Variants in FGF14 observed in about 807,000 individuals in gnomAD.
The protein encoded by FGF14 is fibroblast growth factor homologous factor 4.
A neutral mutation model predicts 25.5 loss-of-function variants in FGF14; 5 were observed. That is an observed-to-expected ratio of 0.20 (90% CI 0.10 to 0.41). The LOEUF is 0.41. FGF14 is among the 10% of genes least tolerant of loss of function. The pLI is 1.00. For synonymous variants in FGF14, 138 were observed against 118.3 expected (o/e 1.17, Z -1.08); for missense variants, 222 against 320.1 (o/e 0.69, Z 2.34).
intron 1 of FGF14, among the ~76,000 whole-genome samples, chr13:102,221,645 C>CAG (rs1491485604): frequency 6.7e-6 from 1 of 149,590 alleles, no homozygotes; most frequent in Admixed American, 6.6e-5. Context: ...CACACACACA[C>CAG]AGATTTTAAG....
chr13:102,066,317 T>C (rs1400146743), intron 1 of FGF14, among the ~76,000 whole-genome samples: 1 of 152,208 alleles, frequency 6.6e-6, no homozygotes, highest in African/African-American at 2.4e-5. Context: ...CTGTAGCATA[T>C]GATTAGAGAA....
intron 1 of FGF14, among the ~76,000 whole-genome samples, chr13:102,379,525 T>C (rs1457827100): frequency 6.6e-6 from 1 of 151,760 alleles, no homozygotes; most frequent in Non-Finnish European, 1.5e-5. Context: ...TATATATATA[T>C]ATACATACAC....
At chr13:102,334,259 A>G (rs2056723270) in intron 1 of FGF14, among the ~76,000 whole-genome samples, 1 of 152,136 alleles carries the variant, frequency 6.6e-6, no homozygotes, top group Admixed American at 6.5e-5. Flanking sequence ...GTTGATTTGA[A>G]CATCTGTGGT....
rs1666806335 is a variant in FGF14, at chr13:101,723,111, T to C, written c.608-144A>G. 3 of 947,038 alleles carry C rather than the reference T, an allele frequency of 3.2e-6. 1 individual carries two copies. In the Admixed American group the frequency reaches 5.6e-5, roughly 18 times the overall value. The allele number at this position is 947,038 out of a possible 1,614,324, so 58.7% of individuals were successfully genotyped here. A position where few individuals can be genotyped will look rare whatever the true frequency, so the allele number is the denominator to read the frequency against. On this transcript the variant is annotated intron_variant, in intron 4 of 4. Coordinates refer to ENST00000376143, the MANE Select transcript of FGF14 (RefSeq NM_004115.4). ...AGCAATTCCATTGAGACAGAATTCC[T>C]GTTGTAAAGCAATCATTTCCAGCCC... is the stretch of plus-strand genomic sequence containing the variant.
At chr13:102,323,957 ATGTG>A (rs3066051) in intron 1 of FGF14, among the ~76,000 whole-genome samples, 9,520 of 136,352 alleles carry the variant, frequency 0.07, 332 homozygotes, top group African/African-American at 0.1. Flanking sequence ...AACGTGCAGT[ATGTG>A]TGTGTGTGTG....
chr13:102,154,923 T>G (rs1177784152), intron 1 of FGF14, among the ~76,000 whole-genome samples: 1 of 152,030 alleles, frequency 6.6e-6, no homozygotes, highest in African/African-American at 2.4e-5. Flanking sequence ...AGAAGGCCAT[T>G]ACATAATGGT....
intron 1 of FGF14, among the ~76,000 whole-genome samples, chr13:102,170,194 G>A (rs1274401581): frequency 6.6e-6 from 1 of 151,780 alleles, no homozygotes; most frequent in Non-Finnish European, 1.5e-5. Flanking sequence ...CTCCTGGTAT[G>A]TTAAAAGAGG....
chr13:101,749,253 A>T (rs1017023806), intron 3 of FGF14, among the ~76,000 whole-genome samples: 4 of 152,088 alleles, frequency 2.6e-5, no homozygotes, highest in Non-Finnish European at 5.9e-5. Flanking sequence ...TATACCGAAC[A>T]GTATTCAAGT....
At chr13:102,181,239 C>A (rs1020358971) in intron 1 of FGF14, among the ~76,000 whole-genome samples, 4 of 152,078 alleles carry the variant, frequency 2.6e-5, no homozygotes, top group African/African-American at 9.7e-5. Context: ...GGCAGAATAA[C>A]GATCTCCGAA....
chr13:102,360,190 G>A (rs1328850564), intron 1 of FGF14, among the ~76,000 whole-genome samples: 2 of 152,160 alleles, frequency 1.3e-5, no homozygotes, highest in Admixed American at 6.6e-5. Context: ...GATATGCTAT[G>A]TGCAAAATCC....
chr13:101,829,604 T>A (rs768891435), intron 3 of FGF14, among the ~76,000 whole-genome samples: 7 of 151,806 alleles, frequency 4.6e-5, no homozygotes, highest in Non-Finnish European at 7.4e-5. Flanking sequence ...TCCAGCATCG[T>A]CATCATAAAA....
At chr13:102,058,863 C>T (rs1820236374) in intron 1 of FGF14, among the ~76,000 whole-genome samples, 1 of 151,572 alleles carries the variant, frequency 6.6e-6, no homozygotes, top group South Asian at 2.1e-4. Flanking sequence ...TGCCATACCT[C>T]TTAACTGCTT....
rs2034822807 is a variant in FGF14, at chr13:101,718,935, T to TAAGA, written c.*3892_*3895dup. Reference sequence around the variant, plus strand: ...GCTATGACTACTATTTCACTCAAAGTAAGACCATGTACATCCTGGATTTTG... The same window carrying TAAGA: ...GCTATGACTACTATTTCACTCAAAGTAAGAAAGACCATGTACATCCTGGATTTTG... On this transcript the variant is annotated 3_prime_UTR_variant, in exon 5 of 5. Coordinates refer to ENST00000376143, the MANE Select transcript of FGF14 (RefSeq NM_004115.4). The TAAGA allele has an allele frequency of 6.6e-6, 1 of 151,936 alleles. No homozygotes were observed. The highest frequency in any genetic ancestry group is 1.5e-5 in the Non-Finnish European group (1 of 68,004). The allele number at this position is 151,936 out of a possible 1,614,324, so 9.4% of individuals were successfully genotyped here. A position where few individuals can be genotyped will look rare whatever the true frequency, so the allele number is the denominator to read the frequency against.
chr13:102,298,800 ATGT>A (rs2054868614), intron 1 of FGF14, among the ~76,000 whole-genome samples: 1 of 152,130 alleles, frequency 6.6e-6, no homozygotes, highest in Non-Finnish European at 1.5e-5. Context: ...GAGCTTTAAA[ATGT>A]TGTTTTATTT....
At chr13:102,277,545 G>A (rs188795828) in intron 1 of FGF14, among the ~76,000 whole-genome samples, 21 of 152,306 alleles carry the variant, frequency 1.4e-4, no homozygotes, top group African/African-American at 7.2e-5. Context: ...GAGGGACCTG[G>A]AGGAGCTCCA....
intron 1 of FGF14, among the ~76,000 whole-genome samples, chr13:102,329,618 C>CT (rs2056572178): frequency 6.6e-6 from 1 of 152,162 alleles, no homozygotes; most frequent in East Asian, 1.9e-4. Context: ...TCATGGTGGC[C>CT]TTTCAGTTCC....
intron 1 of FGF14, among the ~76,000 whole-genome samples, chr13:102,183,993 A>G (rs534659512): frequency 6.6e-6 from 1 of 152,264 alleles, no homozygotes; most frequent in East Asian, 1.9e-4. Flanking sequence ...TCCTTCTAGG[A>G]GGTTAAGTAA....
chr13:102,312,854 G>A (rs997740000), intron 1 of FGF14, among the ~76,000 whole-genome samples: 4 of 152,096 alleles, frequency 2.6e-5, no homozygotes, highest in Non-Finnish European at 4.4e-5. Flanking sequence ...CTCTTCCATC[G>A]AAGCCCTACT....
chr13:102,125,605 C>G lies in FGF14; in HGVS notation c.209-250309G>C, dbSNP rs373655021. 1.9e-3 allele frequency among the ~76,000 whole-genome samples: 295 copies of G among 152,278 alleles called. 12 individuals carry two copies. The South Asian group carries it at 0.058, about 30-fold the overall frequency. On this transcript the variant is annotated intron_variant, in intron 1 of 4. Transcript: ENST00000376131. ...TTCTGGGGATATGGGATGAAATATT[C>G]TCTCTCAGGAAGACACCTGGATAGC...
Sources: gnomAD v4.1 joint callset for allele counts (sites outside exome capture counted in the v4.1 genomes callset) on GRCh38, gnomAD v4.1.1 for gene constraint, MANE v1.5 for transcripts, NCBI Gene and HGNC (gene_info 2026-07-23, HGNC 2026-07-21) for gene names.